RETREG3: variants seen among roughly 807,000 people sequenced by gnomAD.
The protein encoded by RETREG3 is reticulophagy regulator family member 3, also known as reticulophagy regulator 3.
A neutral mutation model predicts 50.2 loss-of-function variants in RETREG3; 23 were observed. The observed-to-expected ratio is 0.46, with a 90% CI of 0.33 to 0.65. RETREG3 has a LOEUF of 0.65. Ranked by LOEUF, RETREG3 falls within the 30% of genes least tolerant of loss-of-function variation. The pLI is 0.02. For synonymous variants in RETREG3, 240 were observed against 234.4 expected, an observed-to-expected ratio of 1.02 and a Z score of -0.22; for missense variants, 546 against 598.0, an observed-to-expected ratio of 0.91 and a Z score of 0.91.
rs752305168 is a variant in RETREG3 at position 42,583,465 on chromosome 17, T to C, written c.810+33A>G. Reference sequence around the variant, plus strand: ...TGGTTAAAAGGTAGCTAAAGAAAACTGGACAGTGAAGCAGCTCCCACACTC... The same window carrying C: ...TGGTTAAAAGGTAGCTAAAGAAAACCGGACAGTGAAGCAGCTCCCACACTC... On this transcript the variant is annotated intron_variant, in intron 7 of 8. Coordinates refer to ENST00000309428, the MANE Select transcript of RETREG3 (RefSeq NM_178126.4). 5.0e-6 allele frequency: 8 copies of C among 1,606,754 alleles called. No individual in the cohort carries two copies. The African/African-American group carries it at 6.7e-5, about 13-fold the overall frequency.
At chr17:42,586,216 T>G (rs950153575) in intron 4 of RETREG3, 79 bp from the exon 5 acceptor site, 2 of 1,350,728 alleles carry the variant, frequency 1.5e-6, no homozygotes, top group African/African-American at 2.9e-5. Flanking sequence ...AGGGTAGAGA[T>G]ATGACAGAAA....
At chr17:42,586,425 T>C in intron 4 of RETREG3, 1 of 422,932 alleles carries the variant, frequency 2.4e-6, no homozygotes, top group Non-Finnish European at 4.2e-6. Flanking sequence ...TTGGTGGTGG[T>C]TTTTTAAGTC....
chr17:42,596,674 A>T (rs2093145791), intron 1 of RETREG3: 1 of 152,080 alleles, frequency 6.6e-6, no homozygotes, highest in South Asian at 2.1e-4. Flanking sequence ...AAAATACATC[A>T]ATCTGATGTT....
chr17:42,601,532 C>T (rs530489706), intron 1 of RETREG3, among the ~76,000 whole-genome samples: 73 of 145,284 alleles, frequency 5.0e-4, no homozygotes, highest in African/African-American at 1.8e-3. Flanking sequence ...GAGATCGCGC[C>T]ACTGCACTCC....
chr17:42,599,444 C>G (rs545371545), intron 1 of RETREG3, among the ~76,000 whole-genome samples: 1 of 151,924 alleles, frequency 6.6e-6, no homozygotes, highest in Admixed American at 6.6e-5. Flanking sequence ...AACCTGAGAT[C>G]GGGAGTTTGA....
Position 42,582,791 on chromosome 17 carries a change from C to T in RETREG3, c.826G>A (p.Val276Ile), listed in dbSNP as rs748595025. Residue 276 changes from valine to isoleucine, a missense_variant, in exon 8 of 9, where the codon GTT becomes ATT. Physicochemically the swap from Val to Ile is conservative, Grantham distance 29. Transcript: ENST00000309428. ...TCTGTGATGGCCAATTCCCTGGCAA[C>T]AGTAGAATCGTCCAGCTTAGGAAAA... ...AFCPQLDDSTVARELAITDSE... is the reference protein window; with the variant it reads ...AFCPQLDDSTIARELAITDSE... The T allele has an allele frequency of 2.2e-5, 36 of 1,614,102 alleles. No homozygotes were observed. Among genetic ancestry groups the T allele is most frequent in the Non-Finnish European group, 2.5e-5 (29 of 1,180,042 alleles).
At chr17:42,608,393 T>C (rs1348703689) in intron 1 of RETREG3, among the ~76,000 whole-genome samples, 1 of 152,294 alleles carries the variant, frequency 6.6e-6, no homozygotes, top group Middle Eastern at 3.4e-3. Context: ...GTATTAGACA[T>C]CAATTTCCTT....
rs1309031140 is a variant in RETREG3, at chr17:42,582,176, C to G, written c.1038G>C (p.Glu346Asp). 1.2e-6 allele frequency: 2 copies of G among 1,613,930 alleles called. No individual in the cohort carries two copies. Among genetic ancestry groups the G allele is most frequent in the Admixed American group, 3.3e-5 (2 of 59,992 alleles). Residue 346 changes from glutamate to aspartate, a missense_variant, in exon 9 of 9, where the codon GAG (glutamate) becomes GAC (aspartate). Glu to Asp is a conservative substitution (Grantham distance 45). Transcript: ENST00000309428. ...INMDPAGLDD[E>D]DDTSIGMPSL... is the part of the protein sequence containing the mutation. ...TGGGCATGCCAATGCTAGTGTCGTC[C>G]TCATCATCCAGGCCAGCAGGATCCA...
At chr17:42,589,076 T>G (rs1443930607) in intron 2 of RETREG3, among the ~76,000 whole-genome samples, 1 of 142,498 alleles carries the variant, frequency 7.0e-6, no homozygotes, top group Non-Finnish European at 1.5e-5. Flanking sequence ...AAGTCCATCC[T>G]GGGAAACACA....
At position 42,609,352 on chromosome 17, in the gene RETREG3, G is replaced by T; in HGVS notation, c.-28C>A. 2 of 1,580,246 alleles carry T rather than the reference G, an allele frequency of 1.3e-6. No homozygotes were observed. The highest frequency in any genetic ancestry group is 1.1e-5 in the South Asian group (1 of 89,670). ...CCCCGCGGCAGCCACAACATCCGGG[G>T]CCGTGGCCCGACAAGTCACAATAAC... On this transcript the variant is annotated 5_prime_UTR_variant, in exon 1 of 9. Coordinates refer to ENST00000309428, the MANE Select transcript of RETREG3 (RefSeq NM_178126.4).
intron 1 of RETREG3, among the ~76,000 whole-genome samples, chr17:42,607,227 GGT>G (rs2093169350): frequency 6.6e-6 from 1 of 152,000 alleles, no homozygotes; most frequent in African/African-American, 2.4e-5. Flanking sequence ...GGCTGGGCAC[GGT>G]GGCTCATGCC....
chr17:42,605,990 CAAAAAAAA>C (rs764477176), intron 1 of RETREG3, among the ~76,000 whole-genome samples: 11 of 65,086 alleles, frequency 1.7e-4, no homozygotes, highest in Non-Finnish European at 2.6e-4. Flanking sequence ...GACTCCATCT[CAAAAAAAA>C]AAAAAAAAAA....
chr17:42,594,033 A>G (rs907168329), intron 1 of RETREG3, among the ~76,000 whole-genome samples: 1 of 152,132 alleles, frequency 6.6e-6, no homozygotes, highest in African/African-American at 2.4e-5. Flanking sequence ...TCTAAAAACA[A>G]ATACAAAAAA....
In RETREG3 at chr17:42,586,910, G is replaced by A. The variant is rs1414559950; in HGVS notation, c.378-19C>T. ...GCCCCAGCTATGGGAGAGAGAAGGG[G>A]GAGCTGTGAAAGGAGGGTGTTGAGG... On this transcript the variant is annotated intron_variant, in intron 3 of 8. Transcript: ENST00000309428. 6.2e-7 allele frequency: 1 copy of A among 1,611,704 alleles called. No homozygotes were observed. The highest frequency in any genetic ancestry group is 1.3e-5 in the African/African-American group (1 of 74,808).
intron 7 of RETREG3, among the ~76,000 whole-genome samples, 194 bp from the exon 8 acceptor site, chr17:42,583,000 A>C (rs2093113243): frequency 6.6e-6 from 1 of 152,082 alleles, no homozygotes; most frequent in African/African-American, 2.4e-5. Context: ...TGTGAAAGTA[A>C]CAACAACAAA....
At chr17:42,590,597 G>A (rs994745391) in intron 2 of RETREG3, among the ~76,000 whole-genome samples, 9 of 151,992 alleles carry the variant, frequency 5.9e-5, no homozygotes, top group Non-Finnish European at 1.0e-4. Flanking sequence ...GCTGGAGCCC[G>A]GAAGGTTGAG....
At chr17:42,582,510 C>A (rs2093111643) in intron 8 of RETREG3, among the ~76,000 whole-genome samples, 164 bp downstream of exon 8, 1 of 152,216 alleles carries the variant, frequency 6.6e-6, no homozygotes, top group Non-Finnish European at 1.5e-5. Context: ...TCAAGAAGGG[C>A]AGCAGTGCCA....
intron 1 of RETREG3, among the ~76,000 whole-genome samples, chr17:42,597,591 A>ATTTTG (rs1597739928): frequency 4.2e-3 from 34 of 8,076 alleles, no homozygotes; most frequent in African/African-American, 9.8e-3. Context: ...GTATATATAT[A>ATTTTG]TATATATATA....
chr17:42,597,617 ATATTTTTTTTTTTTT>A (rs2093149865), intron 1 of RETREG3, among the ~76,000 whole-genome samples: 21 of 14,798 alleles, frequency 1.4e-3, no homozygotes, highest in East Asian at 6.0e-3. Flanking sequence ...ATATATATAT[ATATTTTTTTTTTTTT>A]TTTTTTTTTT....
Sources: gnomAD v4.1 joint callset for allele counts (sites outside exome capture counted in the v4.1 genomes callset) on GRCh38, gnomAD v4.1.1 for gene constraint, MANE v1.5 for transcripts, NCBI Gene and HGNC (gene_info 2026-07-23, HGNC 2026-07-21) for gene names.